PEX6: variants seen among roughly 807,000 people sequenced by gnomAD.
PEX6 encodes the protein peroxisome biogenesis factor 6.
Under a neutral mutation model 85.6 loss-of-function variants are expected in PEX6, and 55 were observed. The observed-to-expected ratio is 0.64, with a 90% CI of 0.52 to 0.80. The LOEUF is 0.80. PEX6 is among the 30% of genes least tolerant of loss of function. The pLI, the probability that PEX6 is intolerant of heterozygous loss-of-function variation, is 0.00. For missense variants in PEX6, 1,099 were observed against 1,260.3 expected, an observed-to-expected ratio of 0.87 and a Z score of 1.94; for synonymous variants, 519 against 549.1, an observed-to-expected ratio of 0.95 and a Z score of 0.77.
Position 42,969,850 on chromosome 6 carries a change from C to T in PEX6, c.1233+35G>A, listed in dbSNP as rs148121199. The T allele has an allele frequency of 3.1e-4, 496 of 1,614,062 alleles. No individual in the cohort carries two copies. In the African/African-American group the frequency reaches 5.7e-3, roughly 19 times the overall value. ...TCGTTTCTAAAAATCGTTTCTACCC[C>T]CTGCGCTGGTCTACACCCATCCTTG... On this transcript the variant is annotated intron_variant, in intron 4 of 16. Transcript: ENST00000304611.
rs1337419879 is a variant in PEX6 at position 42,971,930 on chromosome 6, T to G, written c.1131-1943A>C. ...CTAAATTTATGATAGGAGAGAGAGG[T>G]GGGAAGTGACTGCTAAGTGCCAGCC... is the stretch of plus-strand genomic sequence containing the variant. On this transcript the variant is annotated intron_variant, in intron 3 of 16. Transcript: ENST00000304611. This position sits in a 1 kb window ranked among gnomAD's most constrained non-coding sequence, Gnocchi z 4.4. Among the ~76,000 whole-genome samples, 1 of 152,022 alleles carries G rather than the reference T, an allele frequency of 6.6e-6. No individual in the cohort carries two copies. Among genetic ancestry groups the G allele is most frequent in the Non-Finnish European group, 1.5e-5 (1 of 67,996 alleles).
intron 3 of PEX6, among the ~76,000 whole-genome samples, chr6:42,970,895 G>A (rs1770037245): frequency 6.6e-6 from 1 of 152,166 alleles, no homozygotes; most frequent in Non-Finnish European, 1.5e-5. Context: ...AGTAGTTGGC[G>A]AGTGTCATAG....
At position 42,964,245 on chromosome 6, in the gene PEX6, T is replaced by C; in HGVS notation, c.*90A>G. On this transcript the variant is annotated 3_prime_UTR_variant, in exon 17 of 17. Coordinates refer to ENST00000304611, the MANE Select transcript of PEX6 (RefSeq NM_000287.4). The surrounding 1 kb of genome is among the most constrained non-coding windows in gnomAD (Gnocchi z 4.6). ...GCCTCCAGGTGGGTTGGCAGCAGCCTGAGGAGGAGCCCTTCCTTCCCAGAT... is the reference window on the plus strand; with the variant it reads ...GCCTCCAGGTGGGTTGGCAGCAGCCCGAGGAGGAGCCCTTCCTTCCCAGAT... 1 of 1,531,844 alleles carries C rather than the reference T, an allele frequency of 6.5e-7. No homozygotes were observed. 94.9% of individuals were successfully genotyped at this position (1,531,844 alleles called of 1,614,324 possible). A position where few individuals can be genotyped will look rare whatever the true frequency, so the allele number is the denominator to read the frequency against.
rs1055515273 is a variant in PEX6, at chr6:42,978,381, G to T, written c.770C>A (p.Pro257His). 3.5e-5 allele frequency: 56 copies of T among 1,614,030 alleles called. No individual in the cohort carries two copies. The highest frequency in any genetic ancestry group is 4.7e-5 in the Non-Finnish European group (56 of 1,180,034). ...GGGCTCTCCCAGCGGTCCAGAGCCG[G>T]GTCCCAGTCTATCAGAGAGGTCCCA... ...PRWDLSDRLG[P>H]GSGPLGEPLA... Residue 257 changes from proline (P) to histidine (H), a missense_variant, in exon 1 of 17, where the codon CCC (proline) becomes CAC (histidine). This residue lies in a region of PEX6 where 579 missense variants were observed against 611.6 expected (regional missense o/e 0.95). Transcript: ENST00000304611.
chr6:42,978,876 A>C lies in PEX6; in HGVS notation c.275T>G (p.Val92Gly), dbSNP rs886037780. 6.7e-7 allele frequency: 1 copy of C among 1,490,138 alleles called. No individual in the cohort carries two copies. The highest frequency in any genetic ancestry group is 8.9e-7 in the Non-Finnish European group (1 of 1,129,234). 92.3% of individuals were successfully genotyped at this position (1,490,138 alleles called of 1,614,324 possible). A position where few individuals can be genotyped will look rare whatever the true frequency, so the allele number is the denominator to read the frequency against. ...GGGCCGCCGCACCGCCCGCGCCCGC[A>C]CCCAGGCCCCGGAGCCCAGTGCCAG... ...RLLALGSGAW[V>G]RARAVRRPPA... is the part of the protein sequence containing the mutation. The change falls in exon 1 of 17, where the codon GTG becomes GGG. Residue 92 changes from valine to glycine, a missense_variant. Physicochemically the swap from Val to Gly is moderately radical, Grantham distance 109. Transcript: ENST00000304611.
At chr6:42,967,244 C>T (rs1769861729) in intron 8 of PEX6, 124 bp downstream of exon 8, 2 of 926,022 alleles carry the variant, frequency 2.2e-6, no homozygotes, top group South Asian at 1.5e-5. Flanking sequence ...GCTAGGATTA[C>T]AGGCGTGAGC....
Position 42,966,965 on chromosome 6 carries a change from T to C in PEX6, c.1885-107A>G. ...GCCCTCTGTTGATGCCTTAGGTTTG[T>C]TGTTTTTTTTTTTTTTTTTTTTTTG... On this transcript the variant is annotated intron_variant, in intron 8 of 16. Transcript: ENST00000304611. 8.8e-6 allele frequency: 6 copies of C among 684,342 alleles called. No individual in the cohort carries two copies. The South Asian group carries it at 9.9e-5, about 11-fold the overall frequency. 42.4% of individuals were successfully genotyped at this position (684,342 alleles called of 1,614,324 possible). A position where few individuals can be genotyped will look rare whatever the true frequency, so the allele number is the denominator to read the frequency against.
Position 42,978,404 on chromosome 6 carries a change from C to A in PEX6, c.747G>T (p.Trp249Cys). The change falls in exon 1 of 17, where the codon TGG (tryptophan) becomes TGT (cysteine). Residue 249 changes from tryptophan to cysteine, a missense_variant. Around this residue, in one of 3 missense-constraint regions of PEX6, gnomAD observed 579 missense variants for 611.6 expected, o/e 0.95. Coordinates refer to ENST00000304611, the MANE Select transcript of PEX6 (RefSeq NM_000287.4). ...CGGGTCCCAGTCTATCAGAGAGGTC[C>A]CAGCGAGGTTCTAGGACCTGCACCC... Reference protein sequence around the residue: ...LARVQVLEPRWDLSDRLGPGS... With the variant: ...LARVQVLEPRCDLSDRLGPGS... 6.2e-7 allele frequency: 1 copy of A among 1,614,158 alleles called. No individual in the cohort carries two copies. The highest frequency in any genetic ancestry group is 1.1e-5 in the South Asian group (1 of 91,078).
chr6:42,967,938 C>G (rs1178446172), intron 7 of PEX6, among the ~76,000 whole-genome samples: 1 of 142,972 alleles, frequency 7.0e-6, no homozygotes, highest in African/African-American at 2.6e-5. Flanking sequence ...GCTGGCCCCC[C>G]CGCTCCCCCT....
chr6:42,978,152 T>C (rs557865803), intron 1 of PEX6, 117 bp downstream of exon 1: 1 of 1,282,606 alleles, frequency 7.8e-7, no homozygotes, highest in Admixed American at 1.7e-5. Flanking sequence ...GCTAGAAACA[T>C]TATGTTCAAA....
At chr6:42,973,700 A>G (rs988535706) in intron 3 of PEX6, among the ~76,000 whole-genome samples, 1 of 152,150 alleles carries the variant, frequency 6.6e-6, no homozygotes, top group African/African-American at 2.4e-5. Context: ...TAAAAATACA[A>G]AAACCAATAG....
At chr6:42,967,313 G>C (rs954950227) in intron 8 of PEX6, 55 bp downstream of exon 8, 1 of 1,539,356 alleles carries the variant, frequency 6.5e-7, no homozygotes, top group Non-Finnish European at 8.9e-7. Flanking sequence ...CTGAGTTCTT[G>C]TAACAAAAGC....
intron 2 of PEX6, among the ~76,000 whole-genome samples, chr6:42,974,508 A>AG (rs1203999702): frequency 1.5e-5 from 2 of 129,282 alleles, no homozygotes; most frequent in Non-Finnish European, 3.1e-5. Flanking sequence ...CCCAGGCTAG[A>AG]GTGCAGTGGT....
chr6:42,977,511 G>T (rs1243804712), intron 1 of PEX6, among the ~76,000 whole-genome samples: 1 of 152,012 alleles, frequency 6.6e-6, no homozygotes, highest in African/African-American at 2.4e-5. Flanking sequence ...GGATCAATAG[G>T]CCGGGTGAGG....
chr6:42,975,580 C>G (rs191676311), intron 1 of PEX6, among the ~76,000 whole-genome samples: 1 of 152,162 alleles, frequency 6.6e-6, no homozygotes, highest in Admixed American at 6.5e-5. Flanking sequence ...ACTGGTTACT[C>G]TAGTACTGCC....
Position 42,966,532 on chromosome 6 carries a change from G to A in PEX6, c.2087C>T (p.Ala696Val), listed in dbSNP as rs1433767242. ...CAAGGACTTGGTCTCCACCTTGGGG[G>A]CTCCAACGGCCTGGGAGTGAGCTGT... ...LQTAHSQAVG[A>V]PKIPSVSWHD... The change falls in exon 10 of 17, where the codon GCC becomes GTC. Residue 696 changes from alanine (A) to valine (V), a missense_variant. This residue lies in a region of PEX6 where 514 missense variants were observed against 627.0 expected (regional missense o/e 0.82). Coordinates refer to ENST00000304611, the MANE Select transcript of PEX6 (RefSeq NM_000287.4). 1.2e-6 allele frequency: 2 copies of A among 1,614,122 alleles called. No individual in the cohort carries two copies. The highest frequency in any genetic ancestry group is 1.1e-5 in the South Asian group (1 of 91,080).
rs141904096 is a variant in PEX6 at position 42,970,012 on chromosome 6, C to G, written c.1131-25G>C. 252 of 1,596,170 alleles carry G rather than the reference C, an allele frequency of 1.6e-4. 1 individual carries two copies. In the Middle Eastern group the frequency reaches 2.5e-3, roughly 16 times the overall value. ...CCTGCAGGAAAAAGGCCCAATGAACCCCAGATCCAGAGTCCAAAAACCCCC... is the reference window on the plus strand; with the variant it reads ...CCTGCAGGAAAAAGGCCCAATGAACGCCAGATCCAGAGTCCAAAAACCCCC... On this transcript the variant is annotated intron_variant, in intron 3 of 16. Coordinates refer to ENST00000304611, the MANE Select transcript of PEX6 (RefSeq NM_000287.4).
rs766143141 is a variant in PEX6, at chr6:42,965,654, A to G, written c.2471+27T>C. 1 of 1,520,320 alleles carries G rather than the reference A, an allele frequency of 6.6e-7. No individual in the cohort carries two copies. Among genetic ancestry groups the G allele is most frequent in the South Asian group, 1.1e-5 (1 of 89,212 alleles). 94.2% of individuals were successfully genotyped at this position (1,520,320 alleles called of 1,614,324 possible). A position where few individuals can be genotyped will look rare whatever the true frequency, so the allele number is the denominator to read the frequency against. Reference sequence around the variant, plus strand: ...ATATCCTTCCCACCCTGGACCCCTCAGCTTTCATTCCCACTCAGACCCCTA... The same window carrying G: ...ATATCCTTCCCACCCTGGACCCCTCGGCTTTCATTCCCACTCAGACCCCTA... On this transcript the variant is annotated intron_variant, in intron 13 of 16. Coordinates refer to ENST00000304611, the MANE Select transcript of PEX6 (RefSeq NM_000287.4). The surrounding 1 kb of genome is among the most constrained non-coding windows in gnomAD (Gnocchi z 5.0).
chr6:42,969,752 G>A lies in PEX6; in HGVS notation c.1283C>T (p.Thr428Ile), dbSNP rs1561823806. 1 of 1,613,878 alleles carries A rather than the reference G, an allele frequency of 6.2e-7. No individual in the cohort carries two copies. The highest frequency in any genetic ancestry group is 8.5e-7 in the Non-Finnish European group (1 of 1,179,942). ...TGGAGGAGACAAACTGCTCCAGAGAGTGGATTCCTCTGAAGGGAGCCATGG... is the reference window on the plus strand; with the variant it reads ...TGGAGGAGACAAACTGCTCCAGAGAATGGATTCCTCTGAAGGGAGCCATGG... ...PVPWLPSEESTLWSSLSPPGL... is the reference protein window; with the variant it reads ...PVPWLPSEESILWSSLSPPGL... The change falls in exon 5 of 17, where the codon ACT becomes ATT. Residue 428 changes from threonine to isoleucine, a missense_variant. By Grantham distance (89) the Thr-to-Ile change is moderately conservative (BLOSUM62 -1). This residue lies in a region of PEX6 where 579 missense variants were observed against 611.6 expected (regional missense o/e 0.95). Coordinates refer to ENST00000304611, the MANE Select transcript of PEX6 (RefSeq NM_000287.4).
Sources: allele counts gnomAD v4.1 joint callset (sites outside exome capture counted in the v4.1 genomes callset), GRCh38; gene constraint gnomAD v4.1.1; regional missense constraint gnomAD v4.1.1; non-coding constraint Gnocchi (gnomAD v3.1); transcripts MANE v1.5; gene names NCBI Gene and HGNC (gene_info 2026-07-23, HGNC 2026-07-21).